Variants in SCUBE1 observed in about 807,000 individuals in gnomAD.
The protein encoded by SCUBE1 is signal peptide, CUB domain and EGF like domain containing 1, also known as signal peptide, CUB and EGF-like domain-containing protein 1.
In SCUBE1, 59 loss-of-function variants were observed where a neutral mutation model predicts 124.4. The ratio of observed to expected loss-of-function variants is 0.47; its 90% CI spans 0.38 to 0.59. The LOEUF (loss-of-function observed/expected upper bound fraction) is 0.59, where lower values mean the gene tolerates loss of function less well. Ranked by LOEUF, SCUBE1 falls within the 20% of genes least tolerant of loss-of-function variation. SCUBE1 has a pLI of 0.00. For missense variants in SCUBE1, 1,150 were observed against 1,371.2 expected (o/e 0.84, Z 2.55); for synonymous variants, 545 against 550.9 (o/e 0.99, Z 0.15).
At chr22:43,266,396 G>T (rs1391478662) in intron 4 of SCUBE1, among the ~76,000 whole-genome samples, 1 of 152,116 alleles carries the variant, frequency 6.6e-6, no homozygotes, top group South Asian at 2.1e-4. Flanking sequence ...TGTGGCTTCC[G>T]AAGCACTCAT....
At chr22:43,242,061 G>A (rs1181704731) in intron 6 of SCUBE1, among the ~76,000 whole-genome samples, 2 of 152,372 alleles carry the variant, frequency 1.3e-5, no homozygotes, top group African/African-American at 4.8e-5. Context: ...GTTTTTAGAG[G>A]TTCACTATAA....
rs1601835461 is a variant in SCUBE1, at chr22:43,258,277, G to C, written c.669C>G (p.Gly223=). ...CQHSCEDTDT[G]PTCGCHQKYA... ...ACTTCTGGTGGCAACCACACGTGGG[G>C]CCTGTGTCTGTGTCCTCACAGCTGT... Residue 223 remains glycine (G), a synonymous_variant, in exon 6 of 22, where the codon GGC becomes GGG. Coordinates refer to ENST00000360835, the MANE Select transcript of SCUBE1 (RefSeq NM_173050.5). The surrounding 1 kb of genome is among the most constrained non-coding windows in gnomAD (Gnocchi z 5.0). The C allele has an allele frequency of 4.3e-6, 7 of 1,614,026 alleles. No individual in the cohort carries two copies. Among genetic ancestry groups the C allele is most frequent in the Non-Finnish European group, 5.1e-6 (6 of 1,180,000 alleles).
chr22:43,335,808 ATGATGATGATGG>A (rs201513758), intron 2 of SCUBE1, among the ~76,000 whole-genome samples: 13,540 of 139,010 alleles, frequency 0.097, 862 homozygotes, highest in East Asian at 0.34. Context: ...GATGGTGATG[ATGATGATGATGG>A]TGATGATGAT....
At position 43,255,872 on chromosome 22, in the gene SCUBE1, G is replaced by A. The variant is rs1012017666; in HGVS notation, c.727+2347C>T. On this transcript the variant is annotated intron_variant, in intron 6 of 21. Coordinates refer to ENST00000360835, the MANE Select transcript of SCUBE1 (RefSeq NM_173050.5). The surrounding 1 kb of genome is among the most constrained non-coding windows in gnomAD (Gnocchi z 4.7). The stretch of plus-strand genomic sequence containing the variant: ...GGCCCATGGGCAAGCAAACAGAGAA[G>A]GAGGCTGAGGTCAGGGCAGACGGGA... Among the ~76,000 whole-genome samples the A allele has an allele frequency of 3.9e-5, 6 of 152,182 alleles. No homozygotes were observed. Among genetic ancestry groups the A allele is most frequent in the South Asian group, 2.1e-4 (1 of 4,832 alleles).
At position 43,214,288 on chromosome 22, in the gene SCUBE1, G is replaced by A. The variant is rs1386738690; in HGVS notation, c.1892-37C>T. 1.9e-6 allele frequency: 3 copies of A among 1,594,188 alleles called. No homozygotes were observed. In the South Asian group the frequency reaches 3.4e-5, roughly 18 times the overall value. ...AAGCGGAGAGGCTGCTGGAGGCAGA[G>A]GTGGGGAGGCCAGGGGTGTCTCCTG... is the stretch of plus-strand genomic sequence containing the variant. On this transcript the variant is annotated intron_variant, in intron 15 of 21. Coordinates refer to ENST00000360835, the MANE Select transcript of SCUBE1 (RefSeq NM_173050.5).
At chr22:43,262,950 G>T in intron 4 of SCUBE1, 105 bp from the exon 5 acceptor site, 1 of 1,256,828 alleles carries the variant, frequency 8.0e-7, no homozygotes, top group Non-Finnish European at 1.1e-6. Flanking sequence ...CAATCAAATG[G>T]GCTGTCATTG....
At chr22:43,247,164 G>C (rs1923248436) in intron 6 of SCUBE1, among the ~76,000 whole-genome samples, 1 of 152,236 alleles carries the variant, frequency 6.6e-6, no homozygotes, top group African/African-American at 2.4e-5. Flanking sequence ...CTCATGGCCA[G>C]TGATGGTGAA....
intron 4 of SCUBE1, among the ~76,000 whole-genome samples, chr22:43,287,540 G>A (rs1030713635): frequency 2.6e-5 from 4 of 152,188 alleles, no homozygotes; most frequent in Admixed American, 2.6e-4. Context: ...CCACTCAGAC[G>A]GGCTGAGCCC....
intron 3 of SCUBE1, chr22:43,316,734 C>G (rs1382091958): frequency 1.3e-5 from 2 of 152,350 alleles, no homozygotes; most frequent in Non-Finnish European, 2.9e-5. Context: ...TTTGAAGACC[C>G]CTAGGGAGTT....
chr22:43,296,476 G>A (rs111943602), intron 3 of SCUBE1, among the ~76,000 whole-genome samples: 5 of 152,330 alleles, frequency 3.3e-5, no homozygotes, highest in Middle Eastern at 3.4e-3. Flanking sequence ...CAGAAGGCAC[G>A]GAGCTCCTCA....
At position 43,241,003 on chromosome 22, in the gene SCUBE1, C is replaced by T. The variant is rs574261428; in HGVS notation, c.728-2049G>A. Among the ~76,000 whole-genome samples, 15 of 152,168 alleles carry T rather than the reference C, an allele frequency of 9.9e-5. No homozygotes were observed. The East Asian group carries it at 2.5e-3, about 26-fold the overall frequency. On this transcript the variant is annotated intron_variant, in intron 6 of 21. Transcript: ENST00000360835. ...AATGAAAACTCAGGGCTGAGGGCAC[C>T]GGGTCTCTGCGGAGGGGGAGGTGAG...
At chr22:43,320,169 A>G (rs1357265097) in intron 2 of SCUBE1, 104 bp from the exon 3 acceptor site, 5 of 1,382,878 alleles carry the variant, frequency 3.6e-6, no homozygotes, top group Non-Finnish European at 5.0e-6. Context: ...GGATGATTCA[A>G]CAAGTATTCA....
At chr22:43,229,297 C>G in intron 8 of SCUBE1, 109 bp from the exon 9 acceptor site, 1 of 803,176 alleles carries the variant, frequency 1.2e-6, no homozygotes, top group South Asian at 1.4e-5. Flanking sequence ...CACACAGTCC[C>G]TGGGCGCAGG....
At chr22:43,339,714 A>C (rs1436416676) in intron 1 of SCUBE1, among the ~76,000 whole-genome samples, 8 of 50,208 alleles carry the variant, frequency 1.6e-4, no homozygotes, top group Admixed American at 3.0e-4. Context: ...ACCCTCCCCC[A>C]CTCTCCTCAT....
chr22:43,220,921 A>G (rs1448905387), intron 13 of SCUBE1, among the ~76,000 whole-genome samples: 1 of 152,110 alleles, frequency 6.6e-6, no homozygotes, highest in African/African-American at 2.4e-5. Context: ...GAGCTCTGTT[A>G]GGTTTGAGAA....
intron 4 of SCUBE1, among the ~76,000 whole-genome samples, chr22:43,281,613 C>T (rs1026547635): frequency 1.4e-5 from 2 of 147,574 alleles, no homozygotes; most frequent in Admixed American, 6.7e-5. Context: ...GTCACCTCCT[C>T]CTCAGCAACC....
At chr22:43,222,816 G>C in intron 11 of SCUBE1, 74 bp from the exon 12 acceptor site, 2 of 1,221,378 alleles carry the variant, frequency 1.6e-6, no homozygotes, top group Non-Finnish European at 2.3e-6. Flanking sequence ...TGGGGCCTCA[G>C]AGGGATTGTG....
rs372609736 is a variant in SCUBE1, at chr22:43,212,635, G to A, written c.2054-43C>T. 1.4e-5 allele frequency: 22 copies of A among 1,539,260 alleles called. No individual in the cohort carries two copies. The African/African-American group carries it at 2.3e-4, about 16-fold the overall frequency. ...TGGCTCAGGCGGGCAGGAGGGCACC[G>A]CAGGGCCGAGGCTGTGGGTGGTCTC... On this transcript the variant is annotated intron_variant, in intron 16 of 21. Coordinates refer to ENST00000360835, the MANE Select transcript of SCUBE1 (RefSeq NM_173050.5).
In SCUBE1 at chr22:43,238,967, A is replaced by G. The variant is rs1013041312; in HGVS notation, c.728-13T>C. On this transcript the variant is annotated splice_polypyrimidine_tract_variant and intron_variant, in intron 6 of 21. Coordinates refer to ENST00000360835, the MANE Select transcript of SCUBE1 (RefSeq NM_173050.5). ...ACTGCGCACGTCTCTGGGGAGGGAA[A>G]GAGACAGAGACCTCAGTTTCCTTGG... 6.3e-7 allele frequency: 1 copy of G among 1,594,318 alleles called. No homozygotes were observed. The highest frequency in any genetic ancestry group is 8.6e-7 in the Non-Finnish European group (1 of 1,163,524).
Sources: allele counts gnomAD v4.1 joint callset (sites outside exome capture counted in the v4.1 genomes callset), GRCh38; gene constraint gnomAD v4.1.1; non-coding constraint Gnocchi (gnomAD v3.1); transcripts MANE v1.5; gene names NCBI Gene and HGNC (gene_info 2026-07-23, HGNC 2026-07-21).